Variants in SPAG17 observed in about 807,000 individuals in gnomAD.
SPAG17 encodes sperm-associated antigen 17.
A neutral mutation model predicts 273.6 loss-of-function variants in SPAG17; 169 were observed. That is an observed-to-expected ratio of 0.62 (90% CI 0.55 to 0.70). The LOEUF (loss-of-function observed/expected upper bound fraction) is 0.70. Among genes scored for constraint, SPAG17 ranks in the 30% least tolerant of loss-of-function variants. The pLI is 0.00. For missense variants in SPAG17, 2,557 were observed against 2,627.8 expected (o/e 0.97, Z 0.59); for synonymous variants, 825 against 873.2 (o/e 0.94, Z 0.97).
rs930309508 is a variant in SPAG17 at position 118,107,252 on chromosome 1, T to C, written c.448-5326A>G. Among the ~76,000 whole-genome samples, 4 of 152,232 alleles carry C rather than the reference T, an allele frequency of 2.6e-5. No homozygotes were observed. In the East Asian group the frequency reaches 7.7e-4, roughly 29 times the overall value. The stretch of plus-strand genomic sequence containing the variant: ...GATGCTCTCCTGATTTCTCCATACC[T>C]GTCTGCCTCCCTCTACTCTGTCTTC... On this transcript the variant is annotated intron_variant, in intron 4 of 48. Transcript: ENST00000336338.
chr1:118,013,548 T>C (rs1177892256), intron 29 of SPAG17, among the ~76,000 whole-genome samples: 2 of 152,170 alleles, frequency 1.3e-5, no homozygotes, highest in African/African-American at 4.8e-5. Flanking sequence ...CTTAACCTGT[T>C]TGTTGTCTGG....
intron 28 of SPAG17, among the ~76,000 whole-genome samples, chr1:118,021,802 G>T (rs1419706733): frequency 6.6e-6 from 1 of 152,064 alleles, no homozygotes; most frequent in Non-Finnish European, 1.5e-5. Flanking sequence ...CAGAACCAGG[G>T]TAGGCTCTTA....
chr1:118,100,472 C>A (rs1655993499), intron 5 of SPAG17, among the ~76,000 whole-genome samples: 1 of 152,216 alleles, frequency 6.6e-6, no homozygotes, highest in South Asian at 2.1e-4. Context: ...AATTGTTATA[C>A]TTTAATACTG....
intron 29 of SPAG17, 43 bp downstream of exon 29, chr1:118,015,922 T>C (rs1243265730): frequency 1.9e-6 from 3 of 1,571,762 alleles, no homozygotes; most frequent in Admixed American, 3.4e-5. Flanking sequence ...TTCAGAATAC[T>C]AATGACTTAG....
At chr1:118,161,307 A>G (rs1228858947) in intron 1 of SPAG17, among the ~76,000 whole-genome samples, 1 of 152,188 alleles carries the variant, frequency 6.6e-6, no homozygotes, top group Non-Finnish European at 1.5e-5. Context: ...TTGTGCTAGG[A>G]AAGTAAAAGG....
chr1:118,002,921 A>T (rs1001028898), intron 32 of SPAG17, among the ~76,000 whole-genome samples: 14 of 152,142 alleles, frequency 9.2e-5, no homozygotes, highest in African/African-American at 3.1e-4. Context: ...TTCATAGCAT[A>T]GATGGTCTTT....
At position 118,050,953 on chromosome 1, in the gene SPAG17, ATAAC is replaced by A. The variant is rs1245156157; in HGVS notation, c.2814+3045_2814+3048del. Among the ~76,000 whole-genome samples, 100 of 152,262 alleles carry A rather than the reference ATAAC, an allele frequency of 6.6e-4. 1 individual carries two copies. Among genetic ancestry groups the A allele is most frequent in the African/African-American group, 2.3e-3 (95 of 41,524 alleles). Reference sequence around the variant, plus strand: ...AGAAAACAATCAACAAAGCGAAGAAATAACCTATGGAATAGGACATAATATTTGA... The same window carrying A: ...AGAAAACAATCAACAAAGCGAAGAAACTATGGAATAGGACATAATATTTGA... On this transcript the variant is annotated intron_variant, in intron 20 of 48. Transcript: ENST00000336338.
chr1:118,117,017 C>T (rs984873777), intron 3 of SPAG17, among the ~76,000 whole-genome samples: 38 of 152,264 alleles, frequency 2.5e-4, no homozygotes, highest in African/African-American at 8.2e-4. Context: ...GGAGGTCAGG[C>T]GTTTACTGTA....
intron 10 of SPAG17, among the ~76,000 whole-genome samples, chr1:118,090,872 G>T (rs1370129481): frequency 1.3e-5 from 2 of 152,012 alleles, no homozygotes; most frequent in Non-Finnish European, 2.9e-5. Context: ...GACAGAGAGA[G>T]ACCCTGTCTT....
In SPAG17 at chr1:118,115,400, T is replaced by C. The variant is rs1444162936; in HGVS notation, c.357A>G (p.Lys119=). Residue 119 remains lysine (K), a synonymous_variant, in exon 4 of 49, where the codon AAA becomes AAG. Coordinates refer to ENST00000336338, the MANE Select transcript of SPAG17 (RefSeq NM_206996.4). ...GTTTCCCTATCAGTGGTAAGGTTAA[T>C]TTCTCTCCACTATCCATAATTGCTT... ...AAKAIMDSGE[K]LTLPLIGKLL... is the part of the protein sequence containing the mutation. 1.2e-6 allele frequency: 2 copies of C among 1,613,550 alleles called. No homozygotes were observed. The highest frequency in any genetic ancestry group is 1.7e-6 in the Non-Finnish European group (2 of 1,179,610).
rs751317610 is a variant in SPAG17, at chr1:118,086,799, A to G, written c.1498-15T>C. On this transcript the variant is annotated splice_polypyrimidine_tract_variant and intron_variant, in intron 11 of 48. Coordinates refer to ENST00000336338, the MANE Select transcript of SPAG17 (RefSeq NM_206996.4). ...TCATGAAGATTCTATGCAAATTGAA[A>G]CAATATTGATTTAAAGAGAGGATCT... 1 of 1,614,070 alleles carries G rather than the reference A, an allele frequency of 6.2e-7. No individual in the cohort carries two copies. The highest frequency in any genetic ancestry group is 8.5e-7 in the Non-Finnish European group (1 of 1,179,938).
chr1:117,957,027 T>G (rs781220545), intron 48 of SPAG17: 7 of 1,518,660 alleles, frequency 4.6e-6, no homozygotes, highest in Non-Finnish European at 6.2e-6. Context: ...TTAACAACGT[T>G]AACAAATGTG....
rs1397717845 is a variant in SPAG17 at position 118,091,738 on chromosome 1, C to T, written c.1247-20G>A. On this transcript the variant is annotated intron_variant, in intron 9 of 48. Transcript: ENST00000336338. ...AAGTCACTGTAAAATATAGAAAATA[C>T]CATTGCCCAATTAAGTTGTGTTCTC... The T allele has an allele frequency of 1.3e-6, 2 of 1,490,120 alleles. No homozygotes were observed. Among genetic ancestry groups the T allele is most frequent in the South Asian group, 1.1e-5 (1 of 88,138 alleles). 92.3% of individuals were successfully genotyped at this position (1,490,120 alleles called of 1,614,324 possible). A position where few individuals can be genotyped will look rare whatever the true frequency, so the allele number is the denominator to read the frequency against.
At chr1:117,969,194 G>A (rs1475728527) in intron 46 of SPAG17, among the ~76,000 whole-genome samples, 1 of 152,052 alleles carries the variant, frequency 6.6e-6, no homozygotes, top group Non-Finnish European at 1.5e-5. Flanking sequence ...CCATTTTGGA[G>A]GATGTATCAA....
chr1:118,182,564 T>C (rs1175809046), intron 1 of SPAG17, among the ~76,000 whole-genome samples: 2 of 152,240 alleles, frequency 1.3e-5, no homozygotes, highest in African/African-American at 4.8e-5. Flanking sequence ...ATTTCACTCA[T>C]ATCAGTAAGT....
At chr1:118,051,672 T>C (rs958307288) in intron 20 of SPAG17, among the ~76,000 whole-genome samples, 1 of 146,886 alleles carries the variant, frequency 6.8e-6, no homozygotes, top group Non-Finnish European at 1.5e-5. Context: ...ATACATAATA[T>C]ATAATAGTAT....
chr1:118,059,808 A>G lies in SPAG17; in HGVS notation c.2541-3894T>C, dbSNP rs566829207. On this transcript the variant is annotated intron_variant, in intron 18 of 48. Transcript: ENST00000336338. ...ATGGAATATCTTTTTCTCTCTCCTC[A>G]CTTTCACCTTATTTGTGCCCTTAAA... Among the ~76,000 whole-genome samples the G allele has an allele frequency of 3.9e-5, 6 of 152,040 alleles. No homozygotes were observed. In the South Asian group the frequency reaches 1.0e-3, roughly 26 times the overall value.
In SPAG17 at chr1:118,013,957, T is replaced by TA. The variant is rs538797212; in HGVS notation, c.4288-1586dup. Reference sequence around the variant, plus strand: ...TTATACATCTGGTAAGGACTATGGCTAGGGCTTGAAACACAGGTCTGCCTC... The same window carrying TA: ...TTATACATCTGGTAAGGACTATGGCTAAGGGCTTGAAACACAGGTCTGCCTC... On this transcript the variant is annotated intron_variant, in intron 29 of 48. Transcript: ENST00000336338. Among the ~76,000 whole-genome samples, 235 of 152,320 alleles carry TA rather than the reference T, an allele frequency of 1.5e-3. 1 individual carries two copies. The highest frequency in any genetic ancestry group is 5.4e-3 in the African/African-American group (223 of 41,576).
rs11392346 is a variant in SPAG17 at position 118,173,858 on chromosome 1, TA to T, written c.87+11212del. ...CTGGGTGACAGAGCGAGACCCTGTC[TA>T]AAAAAAAAAAAAAAAAAAGTACACA... On this transcript the variant is annotated intron_variant, in intron 1 of 48. Coordinates refer to ENST00000336338, the MANE Select transcript of SPAG17 (RefSeq NM_206996.4). 9.4e-4 allele frequency among the ~76,000 whole-genome samples: 111 copies of T among 118,266 alleles called. 1 individual carries two copies. Among genetic ancestry groups the T allele is most frequent in the Middle Eastern group, 4.5e-3 (1 of 222 alleles). 77.6% of individuals were successfully genotyped at this position (118,266 alleles called of 152,430 possible). A position where few individuals can be genotyped will look rare whatever the true frequency, so the allele number is the denominator to read the frequency against.
Sources: allele counts gnomAD v4.1 joint callset (sites outside exome capture counted in the v4.1 genomes callset), GRCh38; gene constraint gnomAD v4.1.1; transcripts MANE v1.5; gene names NCBI Gene and HGNC (gene_info 2026-07-23, HGNC 2026-07-21).